Variants in TELO2 observed in about 807,000 individuals in gnomAD.
TELO2 encodes telomere length regulation protein TEL2 homolog.
In TELO2, 71 loss-of-function variants were observed where a neutral mutation model predicts 91.0. The ratio of observed to expected loss-of-function variants is 0.78; its 90% CI spans 0.64 to 0.95. The LOEUF is 0.95. Among genes scored for constraint, TELO2 ranks in the 40% least tolerant of loss-of-function variants. The pLI is 0.00. For missense variants in TELO2, 1,183 were observed against 1,141.3 expected (o/e 1.04, Z -0.53); for synonymous variants, 584 against 518.9 (o/e 1.13, Z -1.71).
chr16:1,504,496 T>TAA (rs1391691801), intron 15 of TELO2, among the ~76,000 whole-genome samples: 17 of 148,288 alleles, frequency 1.1e-4, no homozygotes, highest in Non-Finnish European at 2.5e-4. Flanking sequence ...GTATATATTT[T>TAA]ACCACAATAA....
At position 1,502,662 on chromosome 16, in the gene TELO2, C is replaced by T. The variant is rs1424939612; in HGVS notation, c.1671C>T (p.Ala557=). ...GCGTGCAGGTGAGCGTGGAGCTGGC[C>T]AAGGTGCTTCTGCATCTGGAGGAGA... ...TATREVSVEL[A]KVLLHLEEKT... The change falls in exon 14 of 21, where the codon GCC becomes GCT. Residue 557 remains alanine, a synonymous_variant. Coordinates refer to ENST00000262319, the MANE Select transcript of TELO2 (RefSeq NM_016111.4). The T allele has an allele frequency of 6.2e-7, 1 of 1,612,126 alleles. No individual in the cohort carries two copies. Among genetic ancestry groups the T allele is most frequent in the Non-Finnish European group, 8.5e-7 (1 of 1,179,832 alleles).
At chr16:1,499,366 C>T (rs773743489) in intron 6 of TELO2, 33 bp downstream of exon 6, 1 of 1,606,858 alleles carries the variant, frequency 6.2e-7, no homozygotes, top group South Asian at 1.1e-5. Context: ...AGGCTGCTGG[C>T]TGCCCCATCA....
Position 1,500,390 on chromosome 16 carries a change from T to C in TELO2, c.1046T>C (p.Ile349Thr). ...LLETWGSSSA[I>T]RHTPLPQQRH... ...GAGACGTGGGGCAGCAGCAGTGCCATCCGCCACACTCCCCTGCCGCAGCAG... is the reference window on the plus strand; with the variant it reads ...GAGACGTGGGGCAGCAGCAGTGCCACCCGCCACACTCCCCTGCCGCAGCAG... The change falls in exon 8 of 21, where the codon ATC (isoleucine) becomes ACC (threonine). Residue 349 changes from isoleucine to threonine, a missense_variant. Coordinates refer to ENST00000262319, the MANE Select transcript of TELO2 (RefSeq NM_016111.4). 1 of 1,597,618 alleles carries C rather than the reference T, an allele frequency of 6.3e-7. No individual in the cohort carries two copies. The highest frequency in any genetic ancestry group is 8.5e-7 in the Non-Finnish European group (1 of 1,174,026).
intron 20 of TELO2, 41 bp downstream of exon 20, chr16:1,507,757 G>T: frequency 7.0e-7 from 1 of 1,428,604 alleles, no homozygotes; most frequent in Non-Finnish European, 9.3e-7. Context: ...ATGTGTGTCG[G>T]CCCGGGGTGT....
In TELO2 at chr16:1,497,644, T is replaced by C; in HGVS notation, c.830+136T>C. 1 of 1,249,698 alleles carries C rather than the reference T, an allele frequency of 8.0e-7. No homozygotes were observed. The highest frequency in any genetic ancestry group is 2.6e-5 in the East Asian group (1 of 38,784). The allele number at this position is 1,249,698 out of a possible 1,614,324, so 77.4% of individuals were successfully genotyped here. ...CCATGTAGGTGCCACAGGGTGTGGG[T>C]GGTGCCCTCTCAGTTCCCGCACGTG... On this transcript the variant is annotated intron_variant, in intron 5 of 20. Transcript: ENST00000262319. This position sits in a 1 kb window ranked among gnomAD's most constrained non-coding sequence, Gnocchi z 4.0.
Position 1,497,354 on chromosome 16 carries a change from C to T in TELO2, c.683-7C>T, listed in dbSNP as rs1282364902. On this transcript the variant is annotated splice_polypyrimidine_tract_variant and splice_region_variant and intron_variant, in intron 4 of 20. Coordinates refer to ENST00000262319, the MANE Select transcript of TELO2 (RefSeq NM_016111.4). This position sits in a 1 kb window ranked among gnomAD's most constrained non-coding sequence, Gnocchi z 4.0. Reference sequence around the variant, plus strand: ...CCCAGGCTCAGGTCCTCCGTCTGTCCCCTCAGAGGAGATCCTGGGCGTGCT... The same window carrying T: ...CCCAGGCTCAGGTCCTCCGTCTGTCTCCTCAGAGGAGATCCTGGGCGTGCT... 9 of 1,537,662 alleles carry T rather than the reference C, an allele frequency of 5.9e-6. No homozygotes were observed. The South Asian group carries it at 9.6e-5, about 16-fold the overall frequency.
At chr16:1,498,555 A>G (rs1219528919) in intron 5 of TELO2, among the ~76,000 whole-genome samples, 1 of 152,078 alleles carries the variant, frequency 6.6e-6, no homozygotes, top group Non-Finnish European at 1.5e-5. Flanking sequence ...TTCCCACCTC[A>G]GCCTCCTGAG....
rs1400937709 is a variant in TELO2 at position 1,499,431 on chromosome 16, C to T, written c.933+98C>T. On this transcript the variant is annotated intron_variant, in intron 6 of 20. Transcript: ENST00000262319. ...GGAGCGGTGTCTGCTGCCTGGGAGA[C>T]CCTGCCTGTGATTTGGCAGTGGCTG... The T allele has an allele frequency of 2.9e-6, 4 of 1,372,104 alleles. No homozygotes were observed. The African/African-American group carries it at 4.3e-5, about 15-fold the overall frequency. 85.0% of individuals were successfully genotyped at this position (1,372,104 alleles called of 1,614,324 possible).
Position 1,495,525 on chromosome 16 carries a change from A to T in TELO2, c.515A>T (p.Gln172Leu), listed in dbSNP as rs761527874. 9.9e-6 allele frequency: 16 copies of T among 1,611,436 alleles called. No homozygotes were observed. Among genetic ancestry groups the T allele is most frequent in the Non-Finnish European group, 1.4e-5 (16 of 1,179,970 alleles). Reference protein sequence around the residue: ...ALPDHLGNRLQQENLAEFFPQ... With the variant: ...ALPDHLGNRLLQENLAEFFPQ... ...CCCGATCACCTGGGCAACCGCCTGC[A>T]GCAGGAGAACTTGGCCGAGTTCTTC... The change falls in exon 3 of 21, where the codon CAG (glutamine) becomes CTG (leucine). Residue 172 changes from glutamine to leucine, a missense_variant. Coordinates refer to ENST00000262319, the MANE Select transcript of TELO2 (RefSeq NM_016111.4).
Position 1,495,640 on chromosome 16 carries a change from G to T in TELO2, c.613+17G>T. ...CTCTCCAAGGTGAGGCCCTGCCTCG[G>T]GGACCCCCTTTGCCACCCGTCTTCT... On this transcript the variant is annotated intron_variant, in intron 3 of 20. Coordinates refer to ENST00000262319, the MANE Select transcript of TELO2 (RefSeq NM_016111.4). The T allele has an allele frequency of 6.4e-7, 1 of 1,569,890 alleles. No homozygotes were observed. The highest frequency in any genetic ancestry group is 1.1e-5 in the South Asian group (1 of 87,356).
In TELO2 at chr16:1,497,257, G is replaced by A. The variant is rs1413243942; in HGVS notation, c.683-104G>A. 8 of 1,490,552 alleles carry A rather than the reference G, an allele frequency of 5.4e-6. No homozygotes were observed. The highest frequency in any genetic ancestry group is 4.0e-5 in the South Asian group (3 of 75,562). 92.3% of individuals were successfully genotyped at this position (1,490,552 alleles called of 1,614,324 possible). A position where few individuals can be genotyped will look rare whatever the true frequency, so the allele number is the denominator to read the frequency against. On this transcript the variant is annotated intron_variant, in intron 4 of 20. Transcript: ENST00000262319. This position sits in a 1 kb window ranked among gnomAD's most constrained non-coding sequence, Gnocchi z 4.0. ...GGCCCGTGGGATCTGGGGCTCAGCT[G>A]TGCTTACTGGGGAGCTGTGGGACTG...
Position 1,503,746 on chromosome 16 carries a change from CT to C in TELO2, c.1842+746del, listed in dbSNP as rs768591734. On this transcript the variant is annotated intron_variant, in intron 15 of 20. Transcript: ENST00000262319. ...GAGGGTTTCACGGGGACAGTTTCAG[CT>C]TGGGAAGGCAAAAGAGTTCTGGCGA... Among the ~76,000 whole-genome samples, 20 of 152,266 alleles carry C rather than the reference CT, an allele frequency of 1.3e-4. 4 individuals carry two copies. The highest frequency in any genetic ancestry group is 7.8e-4 in the Admixed American group (12 of 15,290).
intron 9 of TELO2, among the ~76,000 whole-genome samples, chr16:1,501,069 G>A (rs534994656): frequency 5.3e-5 from 8 of 152,340 alleles, no homozygotes; most frequent in South Asian, 4.1e-4. Context: ...CTCTGCTGCC[G>A]GCTGCCTGGC....
At position 1,494,423 on chromosome 16, in the gene TELO2, C is replaced by A; in HGVS notation, c.142C>A (p.Pro48Thr). 1 of 1,613,462 alleles carries A rather than the reference C, an allele frequency of 6.2e-7. No homozygotes were observed. The highest frequency in any genetic ancestry group is 2.2e-5 in the East Asian group (1 of 44,872). ...YLGEMEPPAL[P>T]REKEEFASAH... Reference sequence around the variant, plus strand: ...CGGTGAGATGGAGCCTCCAGCGCTCCCGAGGGAGAAGGAGGAGTTTGCCTC... The same window carrying A: ...CGGTGAGATGGAGCCTCCAGCGCTCACGAGGGAGAAGGAGGAGTTTGCCTC... The change falls in exon 2 of 21, where the codon CCG becomes ACG. Residue 48 changes from proline (P) to threonine (T), a missense_variant. Physicochemically the swap from Pro to Thr is conservative, Grantham distance 38. Transcript: ENST00000262319. The surrounding 1 kb of genome is among the most constrained non-coding windows in gnomAD (Gnocchi z 5.6).
rs1387868183 is a variant in TELO2 at position 1,501,495 on chromosome 16, G to A, written c.1357G>A (p.Ala453Thr). ...GCCTGCGGGTGACGGCGCCTCGGAGGCGGGGTGAGGGTCTCTGCCCCCCGG... is the reference window on the plus strand; with the variant it reads ...GCCTGCGGGTGACGGCGCCTCGGAGACGGGGTGAGGGTCTCTGCCCCCCGG... ...PQPAGDGASEAGTSLVPATAE... is the reference protein window; with the variant it reads ...PQPAGDGASETGTSLVPATAE... The change falls in exon 10 of 21, where the codon GCG (alanine) becomes ACG (threonine). Residue 453 changes from alanine to threonine, a missense_variant. Ala to Thr is a moderately conservative substitution (Grantham distance 58). Transcript: ENST00000262319. 6.2e-7 allele frequency: 1 copy of A among 1,608,410 alleles called. No homozygotes were observed. Among genetic ancestry groups the A allele is most frequent in the Non-Finnish European group, 8.5e-7 (1 of 1,177,438 alleles).
chr16:1,495,758 C>T (rs977725057), intron 3 of TELO2, 135 bp downstream of exon 3: 1 of 1,267,590 alleles, frequency 7.9e-7, no homozygotes, highest in Non-Finnish European at 1.1e-6. Context: ...GGGGATGTCC[C>T]TGTCCCGCAC....
Position 1,500,664 on chromosome 16 carries a change from C to T in TELO2, c.1246C>T (p.Arg416Trp), listed in dbSNP as rs772007219. The stretch of plus-strand genomic sequence containing the variant: ...GATCGTGGCAGAGGTCGTTAGTGCC[C>T]GGATCCACCCCGAGGGGCCTCCCCT... ...GMIVAEVVSA[R>W]IHPEGPPLKF... The change falls in exon 9 of 21, where the codon CGG becomes TGG. Residue 416 changes from arginine (R) to tryptophan (W), a missense_variant. Coordinates refer to ENST00000262319, the MANE Select transcript of TELO2 (RefSeq NM_016111.4). The T allele has an allele frequency of 1.6e-5, 26 of 1,612,442 alleles. No homozygotes were observed. Among genetic ancestry groups the T allele is most frequent in the African/African-American group, 6.7e-5 (5 of 74,928 alleles).
At position 1,494,503 on chromosome 16, in the gene TELO2, G is replaced by A; in HGVS notation, c.222G>A (p.Trp74Ter). 1 of 1,613,234 alleles carries A rather than the reference G, an allele frequency of 6.2e-7. No homozygotes were observed. The highest frequency in any genetic ancestry group is 8.5e-7 in the Non-Finnish European group (1 of 1,179,902). The change falls in exon 2 of 21, where the codon TGG becomes TGA. Residue 74 changes from tryptophan to a stop codon, truncating the protein, a stop_gained. Transcript: ENST00000262319. LOFTEE classifies it high-confidence loss of function. The surrounding 1 kb of genome is among the most constrained non-coding windows in gnomAD (Gnocchi z 5.6). ...TTGCCAGCAGGCTGAGCCCAGCCTG[G>A]CTGGAGCTGCTGCCCCATGGCCGCC... Reference protein sequence around the residue: ...RCLASRLSPAWLELLPHGRLE... With the variant: ...RCLASRLSPA
At chr16:1,499,415 T>A (rs2039599199) in intron 6 of TELO2, 82 bp downstream of exon 6, 1 of 1,490,234 alleles carries the variant, frequency 6.7e-7, no homozygotes, top group African/African-American at 1.4e-5. Flanking sequence ...CGGAGCGGTG[T>A]CTGCTGCCTG....
Sources: gnomAD v4.1 joint callset for allele counts (sites outside exome capture counted in the v4.1 genomes callset) on GRCh38, gnomAD v4.1.1 for gene constraint, Gnocchi (gnomAD v3.1) non-coding constraint, MANE v1.5 for transcripts, NCBI Gene and HGNC (gene_info 2026-07-23, HGNC 2026-07-21) for gene names.